Variants in LYZL1 observed in about 807,000 individuals in gnomAD.
The protein encoded by LYZL1 is lysozyme like 1, also known as lysozyme-like protein 1.
LYZL1 carries 16 observed loss-of-function variants against 17.9 expected under a neutral mutation model. The observed-to-expected ratio is 0.90, with a 90% confidence interval of 0.61 to 1.36. The LOEUF (loss-of-function observed/expected upper bound fraction) is 1.36, where lower values mean the gene tolerates loss of function less well. Ranked by LOEUF, LYZL1 falls within the 40% of genes most tolerant of loss-of-function variation. The pLI, the probability that LYZL1 is intolerant of heterozygous loss-of-function variation, is 0.00. For synonymous variants in LYZL1, 58 were observed against 71.8 expected (o/e 0.81, Z 0.97); for missense variants, 149 against 188.4 (o/e 0.79, Z 1.22).
intron 1 of LYZL1, among the ~76,000 whole-genome samples, chr10:29,291,141 C>A (rs1157723137): frequency 3.9e-5 from 6 of 152,156 alleles, no homozygotes; most frequent in Non-Finnish European, 7.4e-5. Flanking sequence ...TTAACGACTC[C>A]ATAGCCTACT....
At chr10:29,312,091 G>A (rs772099746), downstream of LYZL1, among the ~76,000 whole-genome samples, 1 of 152,218 alleles carries the variant, frequency 6.6e-6, no homozygotes, top group Non-Finnish European at 1.5e-5. Flanking sequence ...TTTAAGGCCA[G>A]GAGTTCAAGG....
chr10:29,298,133 C>A (rs1835470041), intron 3 of LYZL1, among the ~76,000 whole-genome samples: 1 of 152,050 alleles, frequency 6.6e-6, no homozygotes, highest in Non-Finnish European at 1.5e-5. Context: ...AATAAAGACT[C>A]TACTTACAAA....
At position 29,311,099 on chromosome 10, in the gene LYZL1, G is replaced by T; in HGVS notation, c.*40G>T. On this transcript the variant is annotated 3_prime_UTR_variant, in exon 5 of 5. Transcript: ENST00000649382. ...CAGGATGCTTTGCAGCAACGCCCTAGGATTTGCAGTGAATGTCCAAATGCC... is the reference window on the plus strand; with the variant it reads ...CAGGATGCTTTGCAGCAACGCCCTATGATTTGCAGTGAATGTCCAAATGCC... 1 of 1,614,066 alleles carries T rather than the reference G, an allele frequency of 6.2e-7. No homozygotes were observed. The highest frequency in any genetic ancestry group is 2.2e-5 in the East Asian group (1 of 44,884).
chr10:29,310,903 T>A, intron 4 of LYZL1, 87 bp from the exon 5 acceptor site: 1 of 1,603,058 alleles, frequency 6.2e-7, no homozygotes, highest in Non-Finnish European at 8.5e-7. Flanking sequence ...CGCTGGCGAT[T>A]TTGGTTAATT....
chr10:29,311,820 A>G (rs917295782), downstream of LYZL1, among the ~76,000 whole-genome samples: 11 of 152,034 alleles, frequency 7.2e-5, no homozygotes, highest in Non-Finnish European at 1.5e-4. Context: ...TCTACTAAAA[A>G]TACAAAAATT....
chr10:29,292,735 T>C, intron 3 of LYZL1, 58 bp downstream of exon 3: 1 of 1,563,078 alleles, frequency 6.4e-7, no homozygotes, highest in East Asian at 2.3e-5. Context: ...AAGCCGACAA[T>C]GGGATCACCA....
chr10:29,316,893 T>C (rs963433865), intron 3 of LYZL1, among the ~76,000 whole-genome samples: 2 of 151,994 alleles, frequency 1.3e-5, no homozygotes, highest in Admixed American at 6.6e-5. Context: ...ACTTTTTAAT[T>C]TTTTTGTAAA....
Position 29,310,183 on chromosome 10 carries a change from C to T in LYZL1, c.372C>T (p.Asn124=), listed in dbSNP as rs368386775. The T allele has an allele frequency of 1.1e-5, 18 of 1,604,048 alleles. No individual in the cohort carries two copies. The African/African-American group carries it at 2.4e-4, about 21-fold the overall frequency. The change falls in exon 4 of 5, where the codon AAC becomes AAT. Residue 124 remains asparagine, a synonymous_variant. Coordinates refer to ENST00000649382, the MANE Select transcript of LYZL1 (RefSeq NM_032517.6). ...RKIVKETQGM[N]YWQGWKKHCE... is the part of the protein sequence containing the mutation. ...TTGTTAAAGAGACACAAGGAATGAA[C>T]TATTGGTAAGAGTGTTTTCTTGGGA...
chr10:29,289,186 T>A lies in LYZL1; in HGVS notation c.-70T>A. On this transcript the variant is annotated 5_prime_UTR_variant, in exon 1 of 5. Coordinates refer to ENST00000649382, the MANE Select transcript of LYZL1 (RefSeq NM_032517.6). ...GCAGTGTTTCTTCCGCAGACTCAAC[T>A]GAGAAGTCAGCCTCTGGGGCAGGCA... is the stretch of plus-strand genomic sequence containing the variant. The A allele has an allele frequency of 6.2e-7, 1 of 1,602,908 alleles. No homozygotes were observed. Among genetic ancestry groups the A allele is most frequent in the Non-Finnish European group, 8.5e-7 (1 of 1,173,844 alleles).
chr10:29,291,742 G>A, intron 1 of LYZL1, 101 bp from the exon 2 acceptor site: 2 of 1,363,632 alleles, frequency 1.5e-6, no homozygotes, highest in Non-Finnish European at 2.0e-6. Flanking sequence ...AATGACCAAA[G>A]TGACAGGCAG....
intron 3 of LYZL1, among the ~76,000 whole-genome samples, chr10:29,308,958 C>T (rs771080276): frequency 1.3e-5 from 2 of 151,944 alleles, no homozygotes; most frequent in African/African-American, 4.8e-5. Flanking sequence ...GAGTGAGATC[C>T]TGTTTCAGAA....
intron 4 of LYZL1, 61 bp downstream of exon 4, chr10:29,310,249 TCA>T (rs1835653231): frequency 1.5e-6 from 2 of 1,296,358 alleles, no homozygotes; most frequent in Non-Finnish European, 2.2e-6. Flanking sequence ...TGTGTATTTA[TCA>T]CAGTTATGGT....
intron 3 of LYZL1, among the ~76,000 whole-genome samples, chr10:29,307,506 G>A (rs115759745): frequency 0.017 from 2,605 of 152,050 alleles, 90 homozygotes; most frequent in African/African-American, 0.059. Flanking sequence ...TCCATTCATC[G>A]GTCAACAAAT....
chr10:29,313,898 G>C (rs893032231), downstream of LYZL1, among the ~76,000 whole-genome samples: 1 of 152,102 alleles, frequency 6.6e-6, no homozygotes, highest in Non-Finnish European at 1.5e-5. Flanking sequence ...GATAGTGATT[G>C]GCTTATGTGG....
chr10:29,310,824 A>G (rs959144475), intron 4 of LYZL1, among the ~76,000 whole-genome samples, 166 bp from the exon 5 acceptor site: 1 of 152,244 alleles, frequency 6.6e-6, no homozygotes, highest in Non-Finnish European at 1.5e-5. Flanking sequence ...CCAGGAGACA[A>G]AAGTCTGAAC....
In LYZL1 at chr10:29,291,962, C is replaced by A. The variant is rs777818463; in HGVS notation, c.95C>A (p.Ser32Ter). The change falls in exon 2 of 5, where the codon TCG becomes TAG. Residue 32 changes from serine to a stop codon, truncating the protein, a stop_gained. Coordinates refer to ENST00000649382, the MANE Select transcript of LYZL1 (RefSeq NM_032517.6). LOFTEE classifies it high-confidence loss of function. ...CGTTGCAAACTGGCAAAAATATTCT[C>A]GAGGGCTGGCCTGGACAATTACTGG... is the stretch of plus-strand genomic sequence containing the variant. ...YTRCKLAKIF[S>*]RAGLDNYWGF... is the part of the protein sequence containing the mutation. 3.2e-6 allele frequency: 5 copies of A among 1,578,494 alleles called. No homozygotes were observed. The African/African-American group carries it at 4.1e-5, about 13-fold the overall frequency.
Position 29,306,385 on chromosome 10 carries a change from C to T in LYZL1, c.299-3725C>T, listed in dbSNP as rs536382327. Among the ~76,000 whole-genome samples the T allele has an allele frequency of 8.2e-4, 121 of 147,342 alleles. 5 individuals carry two copies. Among genetic ancestry groups the T allele is most frequent in the Non-Finnish European group, 1.6e-3 (108 of 66,756 alleles). On this transcript the variant is annotated intron_variant, in intron 3 of 4. Coordinates refer to ENST00000649382, the MANE Select transcript of LYZL1 (RefSeq NM_032517.6). The stretch of plus-strand genomic sequence containing the variant: ...CTAAAACGGTGAAACCCCGCCTCTA[C>T]TAAAAATACAAAAAATTAGCCGGGC...
intron 4 of LYZL1, among the ~76,000 whole-genome samples, chr10:29,317,745 T>G (rs2132845869): frequency 6.6e-6 from 1 of 152,296 alleles, no homozygotes; most frequent in Non-Finnish European, 1.5e-5. Context: ...ATTAGAAGCA[T>G]GTTAATCACC....
exon 4 of LYZL1, chr10:29,317,429 C>T (rs989419602): frequency 6.6e-6 from 1 of 152,192 alleles, no homozygotes. Context: ...AATTAGGATC[C>T]ATCATTCACC....
Sources: gnomAD v4.1 joint callset for allele counts (sites outside exome capture counted in the v4.1 genomes callset) on GRCh38, gnomAD v4.1.1 for gene constraint, MANE v1.5 for transcripts, NCBI Gene and HGNC (gene_info 2026-07-23, HGNC 2026-07-21) for gene names.